RTTN: variants seen among roughly 807,000 people sequenced by gnomAD.
RTTN encodes the protein rotatin.
A neutral mutation model predicts 269.2 loss-of-function variants in RTTN; 182 were observed. The observed-to-expected ratio is 0.68, with a 90% CI of 0.60 to 0.76. RTTN has a LOEUF of 0.76. RTTN is among the 30% of genes least tolerant of loss of function. The pLI, the probability that RTTN is intolerant of heterozygous loss-of-function variation, is 0.00. For synonymous variants in RTTN, 1,006 were observed against 963.5 expected (o/e 1.04, Z -0.82); for missense variants, 2,545 against 2,608.6 (o/e 0.98, Z 0.53).
At chr18:70,147,636 G>A (rs2060429135) in intron 17 of RTTN, among the ~76,000 whole-genome samples, 1 of 152,062 alleles carries the variant, frequency 6.6e-6, no homozygotes, top group African/African-American at 2.4e-5. Flanking sequence ...ATGGGTTGAT[G>A]GGATGGGGTA....
At chr18:70,027,655 T>C (rs1037206074) in intron 43 of RTTN, among the ~76,000 whole-genome samples, 17 of 152,190 alleles carry the variant, frequency 1.1e-4, no homozygotes, top group African/African-American at 3.9e-4. Flanking sequence ...ACACAAATAC[T>C]GACTGTACAT....
intron 44 of RTTN, chr18:70,021,028 T>C (rs2056689711): frequency 2.4e-6 from 1 of 424,212 alleles, no homozygotes; most frequent in Admixed American, 3.9e-5. Context: ...CTAAAGCACT[T>C]TAAGACACCA....
Position 70,128,358 on chromosome 18 carries a change from T to G in RTTN, c.3143A>C (p.Glu1048Ala). ...KQMNSETKTQEILDALKLSTE... is the reference protein window; with the variant it reads ...KQMNSETKTQAILDALKLSTE... ...TTTTTAAACTAATATAAGAGCTTAC[T>G]CTTGCGTTTTAGTTTCAGAGTTCAT... Residue 1048 changes from glutamate (E) to alanine (A), a missense_variant and splice_region_variant, in exon 24 of 49, where the codon GAA becomes GCA. By Grantham distance (107) the Glu-to-Ala change is moderately radical. Transcript: ENST00000640769. 6.2e-7 allele frequency: 1 copy of G among 1,610,106 alleles called. No homozygotes were observed.
At chr18:70,093,630 C>A (rs1191073565) in intron 28 of RTTN, among the ~76,000 whole-genome samples, 1 of 152,128 alleles carries the variant, frequency 6.6e-6, no homozygotes, top group Non-Finnish European at 1.5e-5. Flanking sequence ...GTTGAACGGG[C>A]CTTGCATCCC....
At chr18:70,018,945 A>G (rs1296340582) in intron 45 of RTTN, among the ~76,000 whole-genome samples, 2 of 149,888 alleles carry the variant, frequency 1.3e-5, no homozygotes, top group Non-Finnish European at 3.0e-5. Context: ...AACAAGCAGG[A>G]TATTTCGGAG....
At chr18:70,189,257 A>C (rs1437360429) in intron 9 of RTTN, among the ~76,000 whole-genome samples, 1 of 152,220 alleles carries the variant, frequency 6.6e-6, no homozygotes, top group Admixed American at 6.5e-5. Flanking sequence ...AGCTAGTAGA[A>C]GCACTTACTG....
intron 46 of RTTN, among the ~76,000 whole-genome samples, chr18:70,010,029 A>G (rs965337636): frequency 3.3e-5 from 5 of 152,274 alleles, no homozygotes; most frequent in African/African-American, 7.2e-5. Context: ...TGCAACAAAT[A>G]GAACTAACTA....
In RTTN at chr18:70,176,803, T is replaced by A; in HGVS notation, c.1348A>T (p.Met450Leu). ...CTGATACTACTTTTATGGTAGCACA[T>A]GGTTTCTCCAAGGGCTCCCAACACC... ...LLVLGALGET[M>L]CYHKSSISLE... is the part of the protein sequence containing the mutation. Residue 450 changes from methionine to leucine, a missense_variant, in exon 11 of 49, where the codon ATG becomes TTG. Met to Leu is a conservative substitution (Grantham distance 15). Transcript: ENST00000640769. 1.2e-6 allele frequency: 2 copies of A among 1,614,050 alleles called. No individual in the cohort carries two copies. Among genetic ancestry groups the A allele is most frequent in the Non-Finnish European group, 8.5e-7 (1 of 1,179,948 alleles).
intron 14 of RTTN, among the ~76,000 whole-genome samples, chr18:70,158,934 G>A (rs191987188): frequency 6.6e-6 from 1 of 152,196 alleles, no homozygotes; most frequent in African/African-American, 2.4e-5. Flanking sequence ...GGAGCACCCA[G>A]TCATAAAACA....
intron 28 of RTTN, among the ~76,000 whole-genome samples, chr18:70,098,720 T>C (rs2059071511): frequency 6.6e-6 from 1 of 152,198 alleles, no homozygotes. Context: ...TGTATACATG[T>C]GCCATGTTGG....
intron 28 of RTTN, among the ~76,000 whole-genome samples, chr18:70,101,609 CT>C (rs1315698332): frequency 6.6e-6 from 1 of 151,960 alleles, no homozygotes; most frequent in Non-Finnish European, 1.5e-5. Context: ...TATTTCTTGC[CT>C]TCTGCTAGCT....
intron 32 of RTTN, 77 bp downstream of exon 32, chr18:70,086,536 A>T: frequency 9.1e-7 from 1 of 1,097,320 alleles, no homozygotes; most frequent in South Asian, 1.4e-5. Flanking sequence ...ATAATGAAAT[A>T]TACTACTTAT....
At position 70,054,245 on chromosome 18, in the gene RTTN, G is replaced by A. The variant is rs748050555; in HGVS notation, c.5071C>T (p.Leu1691Phe). The change falls in exon 38 of 49, where the codon CTT becomes TTT. Residue 1691 changes from leucine (L) to phenylalanine (F), a missense_variant. By Grantham distance (22) the Leu-to-Phe change is conservative (BLOSUM62 0). Coordinates refer to ENST00000640769, the MANE Select transcript of RTTN (RefSeq NM_173630.4). ...TCCACCAATAAACATGACTGCAGAA[G>A]CCTGGACAAAGAGGATAGGTATTCC... ...LLEYLSSLSR[L>F]LQSCLLVEPD... The A allele has an allele frequency of 6.2e-7, 1 of 1,613,866 alleles. No individual in the cohort carries two copies. Among genetic ancestry groups the A allele is most frequent in the East Asian group, 2.2e-5 (1 of 44,844 alleles).
intron 39 of RTTN, 75 bp downstream of exon 39, chr18:70,051,336 C>A: frequency 6.9e-7 from 1 of 1,456,280 alleles, no homozygotes; most frequent in Non-Finnish European, 9.2e-7. Context: ...AGTGAATTTA[C>A]ATACCTAAAC....
chr18:70,046,431 C>T (rs1184080255), intron 40 of RTTN, among the ~76,000 whole-genome samples: 3 of 152,150 alleles, frequency 2.0e-5, no homozygotes, highest in African/African-American at 7.2e-5. Context: ...CAAGCAGTAC[C>T]GTGCTCCAAC....
chr18:70,074,070 C>A, intron 33 of RTTN, 76 bp from the exon 34 acceptor site: 1 of 1,013,766 alleles, frequency 9.9e-7, no homozygotes, highest in Non-Finnish European at 1.5e-6. Context: ...GTACGCATTA[C>A]AGGAAACCAA....
At chr18:70,106,285 T>C (rs1220357215) in intron 28 of RTTN, among the ~76,000 whole-genome samples, 1 of 152,136 alleles carries the variant, frequency 6.6e-6, no homozygotes, top group East Asian at 1.9e-4. Context: ...GTTGAGGCTG[T>C]AGTGAGCTGT....
At chr18:70,198,416 T>C (rs2061864787) in intron 5 of RTTN, among the ~76,000 whole-genome samples, 1 of 152,192 alleles carries the variant, frequency 6.6e-6, no homozygotes, top group Non-Finnish European at 1.5e-5. Context: ...CCCTTTCCCA[T>C]GTGCACTTTG....
At chr18:70,123,907 A>C (rs921979247) in intron 25 of RTTN, among the ~76,000 whole-genome samples, 2 of 152,022 alleles carry the variant, frequency 1.3e-5, no homozygotes, top group African/African-American at 4.8e-5. Flanking sequence ...AAGCAGTAGG[A>C]AAAGAAAGGC....
Sources: allele counts gnomAD v4.1 joint callset (sites outside exome capture counted in the v4.1 genomes callset), GRCh38; gene constraint gnomAD v4.1.1; transcripts MANE v1.5; gene names NCBI Gene and HGNC (gene_info 2026-07-23, HGNC 2026-07-21).